Variants in FAM135B observed in about 807,000 individuals in gnomAD.
The protein encoded by FAM135B is family with sequence similarity 135 member B.
FAM135B carries 43 observed loss-of-function variants against 127.7 expected under a neutral mutation model. The observed-to-expected ratio is 0.34, with a 90% CI of 0.26 to 0.43. FAM135B has a LOEUF of 0.43. Among genes scored for constraint, FAM135B ranks in the 20% least tolerant of loss-of-function variants. FAM135B has a pLI of 1.00. For synonymous variants in FAM135B, 670 were observed against 665.1 expected, an observed-to-expected ratio of 1.01 and a Z score of -0.11; for missense variants, 1,558 against 1,725.6, an observed-to-expected ratio of 0.90 and a Z score of 1.72.
At chr8:138,307,486 CCT>C (rs1463840932) in intron 3 of FAM135B, among the ~76,000 whole-genome samples, 1 of 152,148 alleles carries the variant, frequency 6.6e-6, no homozygotes, top group Non-Finnish European at 1.5e-5. Context: ...ATCAAATCAC[CCT>C]GTTTAAATAT....
intron 19 of FAM135B, 140 bp downstream of exon 19, chr8:138,137,005 CTA>C: frequency 4.8e-6 from 3 of 621,988 alleles, no homozygotes; most frequent in South Asian, 3.9e-5. Flanking sequence ...TCGAGATGAG[CTA>C]TGTTTGTCCT....
At chr8:138,180,903 G>A (rs1814958865) in intron 9 of FAM135B, among the ~76,000 whole-genome samples, 1 of 152,110 alleles carries the variant, frequency 6.6e-6, no homozygotes, top group Non-Finnish European at 1.5e-5. Context: ...AACAGGGAAT[G>A]GCCATTCTTG....
chr8:138,426,004 TATATATATACAC>T (rs1563992391), intron 1 of FAM135B, among the ~76,000 whole-genome samples: 53 of 15,396 alleles, frequency 3.4e-3, no homozygotes, highest in African/African-American at 0.028. Context: ...TATATATATA[TATATATATACAC>T]ACACATACAT....
intron 3 of FAM135B, among the ~76,000 whole-genome samples, chr8:138,294,277 G>A (rs188967367): frequency 1.3e-5 from 2 of 152,104 alleles, no homozygotes; most frequent in Non-Finnish European, 2.9e-5. Context: ...ATAAAAAATT[G>A]CACGCTGGGT....
intron 1 of FAM135B, among the ~76,000 whole-genome samples, chr8:138,443,839 T>G (rs1835947940): frequency 6.6e-6 from 1 of 152,158 alleles, no homozygotes; most frequent in Non-Finnish European, 1.5e-5. Flanking sequence ...ATGCTCCAAT[T>G]AAAAGACACA....
At chr8:138,270,280 T>G (rs992052949) in intron 3 of FAM135B, among the ~76,000 whole-genome samples, 36 of 152,220 alleles carry the variant, frequency 2.4e-4, no homozygotes, top group Non-Finnish European at 1.0e-4. Flanking sequence ...GGGATACTGT[T>G]GGACTGGGAC....
chr8:138,327,487 G>A (rs1827874243), intron 2 of FAM135B, among the ~76,000 whole-genome samples: 1 of 152,124 alleles, frequency 6.6e-6, no homozygotes, highest in East Asian at 1.9e-4. Context: ...CCACTGAAAT[G>A]TCACTTGGGT....
chr8:138,179,375 A>C (rs1814787512), intron 9 of FAM135B, among the ~76,000 whole-genome samples: 1 of 152,188 alleles, frequency 6.6e-6, no homozygotes. Flanking sequence ...AAGGTAGAGT[A>C]CTAGGCATTT....
chr8:138,188,245 C>A (rs1815766010), intron 9 of FAM135B, among the ~76,000 whole-genome samples: 1 of 152,188 alleles, frequency 6.6e-6, no homozygotes, highest in African/African-American at 2.4e-5. Context: ...CTGAGCCATT[C>A]ACCAAATTAT....
chr8:138,137,845 G>C (rs1437487923), intron 18 of FAM135B, among the ~76,000 whole-genome samples: 2 of 152,096 alleles, frequency 1.3e-5, no homozygotes, highest in Non-Finnish European at 2.9e-5. Context: ...TATCCCTGCA[G>C]GCCTCAGAGC....
chr8:138,360,895 G>A (rs1830380028), intron 2 of FAM135B, among the ~76,000 whole-genome samples: 1 of 151,020 alleles, frequency 6.6e-6, no homozygotes, highest in Non-Finnish European at 1.5e-5. Flanking sequence ...GACTCAGTAG[G>A]TCTGAGACCA....
chr8:138,274,190 A>G (rs985226758), intron 3 of FAM135B, among the ~76,000 whole-genome samples: 1 of 152,148 alleles, frequency 6.6e-6, no homozygotes. Flanking sequence ...CTGCCCCGAT[A>G]TTCACGTAGG....
chr8:138,198,407 A>G (rs1219957547), intron 7 of FAM135B, among the ~76,000 whole-genome samples: 1 of 152,094 alleles, frequency 6.6e-6, no homozygotes, highest in Non-Finnish European at 1.5e-5. Flanking sequence ...TTTCCCCACT[A>G]CTGCAGGGTG....
intron 1 of FAM135B, among the ~76,000 whole-genome samples, chr8:138,397,601 A>AAAATAATTAGCT (rs1369267235): frequency 6.6e-6 from 1 of 152,192 alleles, no homozygotes; most frequent in Non-Finnish European, 1.5e-5. Flanking sequence ...GTTGACTCTA[A>AAAATAATTAGCT]AAATAATTAG....
intron 5 of FAM135B, among the ~76,000 whole-genome samples, chr8:138,251,368 A>C (rs7461019): frequency 0.76 from 115,455 of 152,056 alleles, 44,742 homozygotes; most frequent in African/African-American, 0.94. Context: ...TTATCTCCCC[A>C]ACAGATGCCC....
chr8:138,345,192 G>C (rs1202045858), intron 2 of FAM135B, among the ~76,000 whole-genome samples: 3 of 152,176 alleles, frequency 2.0e-5, no homozygotes, highest in Non-Finnish European at 2.9e-5. Flanking sequence ...TGAGTGGCAA[G>C]CCCAGGAAAC....
At chr8:138,424,868 AT>A in intron 1 of FAM135B, among the ~76,000 whole-genome samples, 1 of 152,290 alleles carries the variant, frequency 6.6e-6, no homozygotes, top group African/African-American at 2.4e-5. Context: ...AAACCATGAC[AT>A]TTTTTGAACC....
intron 1 of FAM135B, among the ~76,000 whole-genome samples, chr8:138,382,460 T>G (rs907234217): frequency 1.3e-5 from 2 of 151,422 alleles, no homozygotes; most frequent in Non-Finnish European, 2.9e-5. Flanking sequence ...ATATGGGGGG[T>G]TTGGGGTGAG....
At chr8:138,489,509 T>G (rs1193162882) in intron 1 of FAM135B, among the ~76,000 whole-genome samples, 3 of 152,186 alleles carry the variant, frequency 2.0e-5, no homozygotes, top group Non-Finnish European at 4.4e-5. Flanking sequence ...AATTTACTTT[T>G]CTCCAATGCA....
Sources: allele counts gnomAD v4.1 joint callset (sites outside exome capture counted in the v4.1 genomes callset), GRCh38; gene constraint gnomAD v4.1.1; transcripts MANE v1.5; gene names NCBI Gene and HGNC (gene_info 2026-07-23, HGNC 2026-07-21).